TJP1: variants seen among roughly 807,000 people sequenced by gnomAD.
TJP1 encodes the protein tight junction protein 1.
TJP1 carries 43 observed loss-of-function variants against 194.2 expected under a neutral mutation model. The ratio of observed to expected loss-of-function variants is 0.22; its 90% CI spans 0.17 to 0.29. The LOEUF (loss-of-function observed/expected upper bound fraction) is 0.29, where lower values mean the gene tolerates loss of function less well. Ranked by LOEUF, TJP1 falls within the 10% of genes least tolerant of loss-of-function variation. TJP1 has a pLI of 1.00. For missense variants in TJP1, 1,971 were observed against 2,185.7 expected (o/e 0.90, Z 1.96); for synonymous variants, 801 against 779.0 (o/e 1.03, Z -0.47).
At chr15:29,910,783 A>T (rs1206989435) in intron 2 of TJP1, among the ~76,000 whole-genome samples, 1 of 152,206 alleles carries the variant, frequency 6.6e-6, no homozygotes, top group Non-Finnish European at 1.5e-5. Flanking sequence ...AACACGCTAC[A>T]AGCACAGAGA....
intron 2 of TJP1, among the ~76,000 whole-genome samples, chr15:29,907,839 G>T (rs891299075): frequency 1.3e-5 from 2 of 151,788 alleles, no homozygotes; most frequent in Non-Finnish European, 2.9e-5. Flanking sequence ...CCTATGCAGA[G>T]ATGTTGAACA....
chr15:29,843,543 A>G (rs1201786020), intron 2 of TJP1, among the ~76,000 whole-genome samples: 1 of 152,230 alleles, frequency 6.6e-6, no homozygotes, highest in East Asian at 1.9e-4. Flanking sequence ...ACCATTCCTA[A>G]GATGAAGAAA....
At chr15:29,737,445 T>G in intron 10 of TJP1, 31 bp from the exon 11 acceptor site, 3 of 1,613,242 alleles carry the variant, frequency 1.9e-6, no homozygotes, top group Non-Finnish European at 2.5e-6. Flanking sequence ...TTTGAAACAG[T>G]TAAGAAGAGC....
intron 2 of TJP1, among the ~76,000 whole-genome samples, chr15:29,929,330 C>T (rs1257486751): frequency 6.6e-6 from 1 of 152,050 alleles, no homozygotes; most frequent in South Asian, 2.1e-4. Context: ...TCAGCTAAAC[C>T]ACTACTTAGA....
At position 29,726,368 on chromosome 15, in the gene TJP1, A is replaced by G; in HGVS notation, c.2412+11T>C. 5.6e-6 allele frequency: 9 copies of G among 1,610,866 alleles called. No homozygotes were observed. Among genetic ancestry groups the G allele is most frequent in the Non-Finnish European group, 7.6e-6 (9 of 1,177,330 alleles). ...CTGAACAAGTCAAAAAAGTAATAGG[A>G]AATGTCTTACCTTTCCCTCGGAAAC... On this transcript the variant is annotated intron_variant, in intron 18 of 27. Transcript: ENST00000614355.
At chr15:29,747,816 A>G (rs1264151592) in intron 8 of TJP1, among the ~76,000 whole-genome samples, 3 of 152,194 alleles carry the variant, frequency 2.0e-5, no homozygotes, top group African/African-American at 7.2e-5. Context: ...CTTGCTCCAT[A>G]TATCACACAA....
chr15:29,809,692 A>C (rs11073271), intron 1 of TJP1, among the ~76,000 whole-genome samples: 11,141 of 152,104 alleles, frequency 0.073, 436 homozygotes, highest in Middle Eastern at 0.15. Flanking sequence ...TAAAAATACA[A>C]AAAATTAGCC....
chr15:29,747,998 G>A (rs2044924425), intron 8 of TJP1, among the ~76,000 whole-genome samples: 1 of 152,094 alleles, frequency 6.6e-6, no homozygotes, highest in Non-Finnish European at 1.5e-5. Flanking sequence ...ATTAATATTT[G>A]AAATATTAGC....
chr15:29,732,395 C>G (rs1348960628), intron 15 of TJP1, 38 bp downstream of exon 15: 2 of 1,563,562 alleles, frequency 1.3e-6, no homozygotes, highest in Non-Finnish European at 1.8e-6. Context: ...AGAGGTGTAA[C>G]TCCCAACCTC....
chr15:29,910,626 T>G (rs1464564), intron 2 of TJP1, among the ~76,000 whole-genome samples: 39,222 of 152,180 alleles, frequency 0.26, 5,321 homozygotes, highest in Middle Eastern at 0.34. Context: ...ATTTGTGGTT[T>G]AGCTCTAACA....
At chr15:29,908,477 A>ATT (rs2053901936) in intron 2 of TJP1, among the ~76,000 whole-genome samples, 2 of 152,200 alleles carry the variant, frequency 1.3e-5, no homozygotes, top group Admixed American at 6.5e-5. Flanking sequence ...ATTCTCAGTC[A>ATT]TTGTACCTCC....
At chr15:29,759,795 G>T in intron 8 of TJP1, 1 of 160,282 alleles carries the variant, frequency 6.2e-6, no homozygotes, top group South Asian at 2.0e-4. Context: ...CAAATGGCAG[G>T]ATTTCCTTCT....
chr15:29,773,597 C>A (rs550964098), intron 2 of TJP1, among the ~76,000 whole-genome samples: 7 of 152,180 alleles, frequency 4.6e-5, no homozygotes, highest in Admixed American at 1.3e-4. Context: ...TCTTTAAAAA[C>A]CAAAAGACAA....
intron 2 of TJP1, among the ~76,000 whole-genome samples, chr15:29,891,193 C>T (rs1175763405): frequency 3.3e-5 from 5 of 152,318 alleles, no homozygotes; most frequent in South Asian, 2.1e-4. Flanking sequence ...TCCAGATTGA[C>T]GGTGAGGACT....
intron 2 of TJP1, among the ~76,000 whole-genome samples, chr15:29,846,033 C>T (rs1813497494): frequency 6.6e-6 from 1 of 152,090 alleles, no homozygotes; most frequent in East Asian, 1.9e-4. Flanking sequence ...TGCCTCCTCC[C>T]CCAACTCACT....
chr15:29,810,981 C>T (rs143918074), intron 1 of TJP1, among the ~76,000 whole-genome samples: 1 of 152,028 alleles, frequency 6.6e-6, no homozygotes, highest in Non-Finnish European at 1.5e-5. Flanking sequence ...ACCAAATGAT[C>T]GAAAAACTCC....
At chr15:29,706,172 A>C (rs1482489405) in intron 25 of TJP1, among the ~76,000 whole-genome samples, 1 of 152,154 alleles carries the variant, frequency 6.6e-6, no homozygotes, top group Non-Finnish European at 1.5e-5. Context: ...TCTCGTCGTG[A>C]TCCACCTGCC....
At chr15:29,737,853 A>G (rs1208041881) in intron 10 of TJP1, among the ~76,000 whole-genome samples, 1 of 152,128 alleles carries the variant, frequency 6.6e-6, no homozygotes, top group Non-Finnish European at 1.5e-5. Context: ...AACACGATGG[A>G]CTCAAAATAA....
chr15:29,968,415 C>T (rs2056405050), intron 1 of TJP1: 1 of 985,048 alleles, frequency 1.0e-6, no homozygotes, highest in Non-Finnish European at 1.2e-6. Flanking sequence ...CCCCGTCGCC[C>T]TACGCGCCGC....
Sources: allele counts gnomAD v4.1 joint callset (sites outside exome capture counted in the v4.1 genomes callset), GRCh38; gene constraint gnomAD v4.1.1; transcripts MANE v1.5; gene names NCBI Gene and HGNC (gene_info 2026-07-23, HGNC 2026-07-21).